The following ARHGAP10 variants were observed in gnomAD, a reference collection of about 807,000 sequenced individuals.
ARHGAP10 encodes the protein rho GTPase-activating protein 10.
Under a neutral mutation model 108.6 loss-of-function variants are expected in ARHGAP10, and 87 were observed. The ratio of observed to expected loss-of-function variants is 0.80; its 90% CI spans 0.67 to 0.96. The LOEUF (loss-of-function observed/expected upper bound fraction) is 0.96, where lower values mean the gene tolerates loss of function less well. Among genes scored for constraint, ARHGAP10 ranks in the 40% least tolerant of loss-of-function variants. The pLI, the probability that ARHGAP10 is intolerant of heterozygous loss-of-function variation, is 0.00. For missense variants in ARHGAP10, 939 were observed against 954.5 expected (o/e 0.98, Z 0.21); for synonymous variants, 347 against 341.1 (o/e 1.02, Z -0.19).
At chr4:147,776,953 C>A (rs1177988666) in intron 1 of ARHGAP10, among the ~76,000 whole-genome samples, 4 of 152,150 alleles carry the variant, frequency 2.6e-5, no homozygotes, top group Non-Finnish European at 5.9e-5. Context: ...GTCTTTCCTT[C>A]CTGGTGGCCT....
intron 1 of ARHGAP10, among the ~76,000 whole-genome samples, chr4:147,764,518 TA>T (rs1397305210): frequency 6.6e-6 from 1 of 152,070 alleles, no homozygotes; most frequent in Non-Finnish European, 1.5e-5. Flanking sequence ...TGGAATCAAT[TA>T]AAATTCAGCA....
intron 5 of ARHGAP10, chr4:147,864,621 T>C (rs992298183): frequency 2.2e-6 from 1 of 446,604 alleles, no homozygotes; most frequent in African/African-American, 2.1e-5. Flanking sequence ...TAGACTTCTG[T>C]GGACCATAAA....
chr4:147,950,696 C>T (rs187681260), intron 15 of ARHGAP10, among the ~76,000 whole-genome samples: 26 of 151,994 alleles, frequency 1.7e-4, no homozygotes, highest in East Asian at 9.6e-4. Context: ...CTTCTACTGA[C>T]GAGGCAATTT....
At chr4:147,859,900 T>A (rs1734244366) in intron 5 of ARHGAP10, among the ~76,000 whole-genome samples, 1 of 152,268 alleles carries the variant, frequency 6.6e-6, no homozygotes, top group Non-Finnish European at 1.5e-5. Flanking sequence ...CTCTGTTTGC[T>A]TTTTACAAAC....
At chr4:147,878,811 C>G (rs376701138) in intron 8 of ARHGAP10, among the ~76,000 whole-genome samples, 21 of 130,508 alleles carry the variant, frequency 1.6e-4, no homozygotes, top group African/African-American at 5.6e-4. Flanking sequence ...GAGTCTCGCT[C>G]TGTTGCCCAG....
chr4:147,885,551 C>G (rs1298411420), intron 10 of ARHGAP10, among the ~76,000 whole-genome samples: 1 of 152,188 alleles, frequency 6.6e-6, no homozygotes, highest in Non-Finnish European at 1.5e-5. Context: ...CAAACCATAT[C>G]AGTCATGTTG....
intron 18 of ARHGAP10, among the ~76,000 whole-genome samples, chr4:147,992,428 G>T (rs541971447): frequency 3.9e-4 from 60 of 151,972 alleles, no homozygotes; most frequent in African/African-American, 1.3e-3. Flanking sequence ...TTTTTTTTGT[G>T]GAGGAGTCTC....
intron 13 of ARHGAP10, among the ~76,000 whole-genome samples, chr4:147,932,678 C>T (rs949343151): frequency 2.0e-5 from 3 of 151,956 alleles, no homozygotes; most frequent in Non-Finnish European, 4.4e-5. Flanking sequence ...GGGAGAGGCT[C>T]AGGAAGAATA....
intron 13 of ARHGAP10, among the ~76,000 whole-genome samples, chr4:147,935,271 G>A (rs897433448): frequency 1.3e-5 from 2 of 152,208 alleles, no homozygotes; most frequent in African/African-American, 4.8e-5. Flanking sequence ...GAGGATGTGG[G>A]CTGGATCTGA....
intron 1 of ARHGAP10, among the ~76,000 whole-genome samples, chr4:147,755,757 G>A (rs1039755823): frequency 6.6e-6 from 1 of 152,104 alleles, no homozygotes; most frequent in African/African-American, 2.4e-5. Context: ...TTAGAAGCTG[G>A]ACTATCACGA....
intron 1 of ARHGAP10, among the ~76,000 whole-genome samples, chr4:147,739,201 A>G (rs1214939606): frequency 1.3e-5 from 2 of 151,864 alleles, no homozygotes; most frequent in Non-Finnish European, 2.9e-5. Flanking sequence ...AAAAAAAAAA[A>G]AAGAAAAGAA....
chr4:148,039,368 A>ATTTTT lies in ARHGAP10; in HGVS notation c.1868-7499_1868-7495dup, dbSNP rs34876546. On this transcript the variant is annotated intron_variant, in intron 19 of 22. Transcript: ENST00000336498. ...TTAATACTTTAAGAATACTACTTCA[A>ATTTTT]TTTTTTTTTTTTTTTTTTTTTTTTT... Among the ~76,000 whole-genome samples, 25 of 73,088 alleles carry ATTTTT rather than the reference A, an allele frequency of 3.4e-4. 2 individuals carry two copies. Among genetic ancestry groups the ATTTTT allele is most frequent in the East Asian group, 1.3e-3 (3 of 2,252 alleles). The allele number at this position is 73,088 out of a possible 152,430, so 47.9% of individuals were successfully genotyped here.
rs59933316 is a variant in ARHGAP10, at chr4:147,837,643, G to GTTTTTTTTTTTTTTTTTTTTTTTTT, written c.313-9489_313-9488insTTTTTTTTTTTTTTTTTTTTTTTTT. ...CACCTCGCTAGAATCTCTGGTCACTGTTTTTTTTTTTTTTTTTTTAAAGCA... is the reference window on the plus strand; with the variant it reads ...CACCTCGCTAGAATCTCTGGTCACTGTTTTTTTTTTTTTTTTTTTTTTTTTTTTTTTTTTTTTTTTTTTTAAAGCA... On this transcript the variant is annotated intron_variant, in intron 3 of 22. Transcript: ENST00000336498. 1.7e-4 allele frequency among the ~76,000 whole-genome samples: 12 copies of GTTTTTTTTTTTTTTTTTTTTTTTTT among 70,234 alleles called. 1 individual carries two copies. Among genetic ancestry groups the GTTTTTTTTTTTTTTTTTTTTTTTTT allele is most frequent in the African/African-American group, 2.0e-4 (5 of 25,500 alleles). 46.1% of individuals were successfully genotyped at this position (70,234 alleles called of 152,430 possible).
chr4:147,857,546 T>A lies in ARHGAP10; in HGVS notation c.385-7T>A, dbSNP rs960712352. 1.5e-5 allele frequency: 21 copies of A among 1,428,016 alleles called. No individual in the cohort carries two copies. The highest frequency in any genetic ancestry group is 1.7e-5 in the Non-Finnish European group (18 of 1,079,748). The allele number at this position is 1,428,016 out of a possible 1,614,324, so 88.5% of individuals were successfully genotyped here. ...CTGTTTAATCATAGTTTTTTTTTTA[T>A]TTGTAGGAAGAAAAAAAGAAGTTTG... On this transcript the variant is annotated splice_region_variant and splice_polypyrimidine_tract_variant and intron_variant, in intron 4 of 22. Coordinates refer to ENST00000336498, the MANE Select transcript of ARHGAP10 (RefSeq NM_024605.4).
intron 3 of ARHGAP10, among the ~76,000 whole-genome samples, chr4:147,836,589 G>A (rs1733178682): frequency 6.6e-6 from 1 of 152,158 alleles, no homozygotes; most frequent in African/African-American, 2.4e-5. Context: ...GAACCCTGTG[G>A]AATTAATTTA....
intron 1 of ARHGAP10, among the ~76,000 whole-genome samples, chr4:147,797,727 C>T (rs1731376517): frequency 6.6e-6 from 1 of 152,014 alleles, no homozygotes; most frequent in Non-Finnish European, 1.5e-5. Context: ...CACGCCCGGC[C>T]CCCTCCCCAT....
At chr4:147,791,396 G>A (rs1470195114) in intron 1 of ARHGAP10, among the ~76,000 whole-genome samples, 1 of 152,016 alleles carries the variant, frequency 6.6e-6, no homozygotes, top group Admixed American at 6.6e-5. Flanking sequence ...ACAGGCATGA[G>A]CCACTGCGCC....
At chr4:147,871,915 A>G (rs1184196751) in intron 7 of ARHGAP10, among the ~76,000 whole-genome samples, 6 of 152,096 alleles carry the variant, frequency 3.9e-5, no homozygotes, top group African/African-American at 1.4e-4. Context: ...AGCCTGGGCA[A>G]TGTAGTGAGA....
chr4:147,824,745 C>T (rs1286565453), intron 3 of ARHGAP10, among the ~76,000 whole-genome samples: 1 of 151,816 alleles, frequency 6.6e-6, no homozygotes, highest in Non-Finnish European at 1.5e-5. Flanking sequence ...GGGGAAGCCA[C>T]CCCCATGATC....
Sources: allele counts gnomAD v4.1 joint callset (sites outside exome capture counted in the v4.1 genomes callset), GRCh38; gene constraint gnomAD v4.1.1; transcripts MANE v1.5; gene names NCBI Gene and HGNC (gene_info 2026-07-23, HGNC 2026-07-21).